The following GOLGA7 variants were observed in gnomAD, a reference collection of about 807,000 sequenced individuals.
GOLGA7 encodes golgin A7.
In GOLGA7, 10 loss-of-function variants were observed where a neutral mutation model predicts 21.1. The observed-to-expected ratio is 0.47, with a 90% confidence interval of 0.29 to 0.80. The LOEUF (loss-of-function observed/expected upper bound fraction) is 0.80, where lower values mean the gene tolerates loss of function less well. Ranked by LOEUF, GOLGA7 falls within the 30% of genes least tolerant of loss-of-function variation. GOLGA7 has a pLI of 0.08. For synonymous variants in GOLGA7, 64 were observed against 62.6 expected (o/e 1.02, Z -0.10); for missense variants, 114 against 166.8 (o/e 0.68, Z 1.74).
intron 4 of GOLGA7, among the ~76,000 whole-genome samples, chr8:41,509,293 A>G (rs1806363668): frequency 6.6e-6 from 1 of 152,226 alleles, no homozygotes; most frequent in South Asian, 2.1e-4. Context: ...GGCAGAGAGA[A>G]CTTAAGTTGC....
chr8:41,497,464 T>C (rs566111363), intron 1 of GOLGA7, 45 bp from the exon 2 acceptor site: 1 of 1,103,324 alleles, frequency 9.1e-7, no homozygotes, highest in Admixed American at 2.4e-5. Context: ...ATTAGTTGAT[T>C]TTTTTTTTCC....
intron 1 of GOLGA7, among the ~76,000 whole-genome samples, chr8:41,495,169 C>T (rs939201866): frequency 7.7e-6 from 1 of 129,914 alleles, no homozygotes; most frequent in Non-Finnish European, 1.6e-5. Context: ...CGCCACTGCA[C>T]TCCAGCCAGG....
At chr8:41,500,869 A>G (rs1806134093) in intron 2 of GOLGA7, among the ~76,000 whole-genome samples, 1 of 152,218 alleles carries the variant, frequency 6.6e-6, no homozygotes, top group South Asian at 2.1e-4. Flanking sequence ...GGGGAGGTGC[A>G]AAGAGGTGAC....
At chr8:41,507,977 A>G (rs1272481035) in intron 4 of GOLGA7, among the ~76,000 whole-genome samples, 2 of 152,226 alleles carry the variant, frequency 1.3e-5, no homozygotes, top group African/African-American at 4.8e-5. Context: ...GGCACGTACT[A>G]TGTGCCTGGT....
chr8:41,496,148 C>T (rs1806007289), intron 1 of GOLGA7, among the ~76,000 whole-genome samples: 1 of 152,060 alleles, frequency 6.6e-6, no homozygotes, highest in South Asian at 2.1e-4. Flanking sequence ...TTTTAAATGA[C>T]TTTATGAGAC....
chr8:41,499,556 A>T (rs898011893), intron 2 of GOLGA7, among the ~76,000 whole-genome samples: 1 of 152,110 alleles, frequency 6.6e-6, no homozygotes, highest in African/African-American at 2.4e-5. Flanking sequence ...TTCTCCAACC[A>T]CCCTGGCCAA....
intron 2 of GOLGA7, among the ~76,000 whole-genome samples, chr8:41,500,889 G>A (rs1467960161): frequency 2.6e-5 from 4 of 152,176 alleles, no homozygotes; most frequent in African/African-American, 4.8e-5. Context: ...CCAGCTCCAA[G>A]GGATATGTTG....
intron 2 of GOLGA7, among the ~76,000 whole-genome samples, chr8:41,504,120 T>TAA (rs58682911): frequency 0.035 from 4,288 of 121,106 alleles, 125 homozygotes; most frequent in South Asian, 0.051. Flanking sequence ...TAGAGTATAA[T>TAA]AAAAAAAAAA....
intron 1 of GOLGA7, among the ~76,000 whole-genome samples, chr8:41,495,754 T>G (rs1805996952): frequency 6.6e-6 from 1 of 152,148 alleles, no homozygotes; most frequent in African/African-American, 2.4e-5. Flanking sequence ...AAGGGAATCC[T>G]TATGCGAGAG....
chr8:41,506,905 T>C lies in GOLGA7; in HGVS notation c.367-154T>C, dbSNP rs918223024. ...TACATTTCTTAAAATTTTCAGCAAATTGGAGAAAGCAAACTTAAGTAGGAA... is the reference window on the plus strand; with the variant it reads ...TACATTTCTTAAAATTTTCAGCAAACTGGAGAAAGCAAACTTAAGTAGGAA... On this transcript the variant is annotated intron_variant, in intron 3 of 4. Coordinates refer to ENST00000357743, the MANE Select transcript of GOLGA7 (RefSeq NM_001002296.2). 4.6e-6 allele frequency: 3 copies of C among 655,480 alleles called. No homozygotes were observed. The East Asian group carries it at 8.3e-5, about 18-fold the overall frequency. 40.6% of individuals were successfully genotyped at this position (655,480 alleles called of 1,614,324 possible).
rs945718386 is a variant in GOLGA7, at chr8:41,490,794, G to T, written c.-61G>T. 7 of 925,576 alleles carry T rather than the reference G, an allele frequency of 7.6e-6. No homozygotes were observed. The African/African-American group carries it at 1.1e-4, about 15-fold the overall frequency. The allele number at this position is 925,576 out of a possible 1,614,324, so 57.3% of individuals were successfully genotyped here. A position where few individuals can be genotyped will look rare whatever the true frequency, so the allele number is the denominator to read the frequency against. On this transcript the variant is annotated 5_prime_UTR_variant, in exon 1 of 5. Coordinates refer to ENST00000357743, the MANE Select transcript of GOLGA7 (RefSeq NM_001002296.2). ...GGGTCAGAGTCCCGGGTCCAGGCCG[G>T]GGCTCTGACTCGCGGTTGGTGTTCC...
intron 3 of GOLGA7, among the ~76,000 whole-genome samples, chr8:41,506,548 G>A (rs1174017535): frequency 6.6e-6 from 1 of 152,106 alleles, no homozygotes; most frequent in African/African-American, 2.4e-5. Context: ...AACTAATTTA[G>A]CTTGATAACT....
chr8:41,498,246 T>C (rs1201335550), intron 2 of GOLGA7, among the ~76,000 whole-genome samples: 1 of 152,270 alleles, frequency 6.6e-6, no homozygotes, highest in Non-Finnish European at 1.5e-5. Flanking sequence ...GCCCTTATTC[T>C]GTCTCTCCTA....
intron 2 of GOLGA7, 71 bp from the exon 3 acceptor site, chr8:41,505,840 T>A: frequency 1.3e-6 from 1 of 750,698 alleles, no homozygotes; most frequent in East Asian, 2.6e-5. Flanking sequence ...CTGCCTATTT[T>A]GAGATCTCAC....
intron 1 of GOLGA7, among the ~76,000 whole-genome samples, chr8:41,491,823 A>G (rs145493800): frequency 4.2e-4 from 64 of 152,306 alleles, no homozygotes; most frequent in African/African-American, 1.4e-3. Flanking sequence ...TTTCCCGTTC[A>G]GGGATCAATT....
intron 4 of GOLGA7, among the ~76,000 whole-genome samples, chr8:41,507,545 G>A (rs1023197982): frequency 3.9e-5 from 6 of 152,158 alleles, no homozygotes; most frequent in Non-Finnish European, 8.8e-5. Context: ...GGAGTGGGGA[G>A]ATTCTGAATA....
intron 1 of GOLGA7, among the ~76,000 whole-genome samples, chr8:41,491,438 A>G (rs56411170): frequency 0.13 from 19,487 of 152,140 alleles, 1,293 homozygotes; most frequent in Non-Finnish European, 0.14. Context: ...AGGGTTTATT[A>G]GGTGCATGGC....
Position 41,490,738 on chromosome 8 carries a change from T to C in GOLGA7, c.-117T>C, listed in dbSNP as rs574906259. 2.9e-4 allele frequency: 188 copies of C among 646,756 alleles called. 1 individual carries two copies. The South Asian group carries it at 3.2e-3, about 11-fold the overall frequency. 40.1% of individuals were successfully genotyped at this position (646,756 alleles called of 1,614,324 possible). A position where few individuals can be genotyped will look rare whatever the true frequency, so the allele number is the denominator to read the frequency against. ...CGGGGCAGAGGAGGCCTTGGGCTGT[T>C]TTCGGCGGCGGGTGGGGGCGAGGGG... On this transcript the variant is annotated 5_prime_UTR_variant, in exon 1 of 5. Transcript: ENST00000357743.
At chr8:41,504,391 G>C (rs1806232019) in intron 2 of GOLGA7, among the ~76,000 whole-genome samples, 1 of 152,126 alleles carries the variant, frequency 6.6e-6, no homozygotes, top group Admixed American at 6.5e-5. Flanking sequence ...GAAATTAGAA[G>C]ATTGAGAGGC....
Sources: allele counts gnomAD v4.1 joint callset (sites outside exome capture counted in the v4.1 genomes callset), GRCh38; gene constraint gnomAD v4.1.1; transcripts MANE v1.5; gene names NCBI Gene and HGNC (gene_info 2026-07-23, HGNC 2026-07-21).